NIBAN1: variants seen among roughly 807,000 people sequenced by gnomAD.
NIBAN1 encodes the protein niban apoptosis regulator 1, also known as protein Niban 1.
NIBAN1 carries 81 observed loss-of-function variants against 75.1 expected under a neutral mutation model. That is an observed-to-expected ratio of 1.08 (90% CI 0.90 to 1.30). The LOEUF is 1.30. NIBAN1 is among the 50% of genes most tolerant of loss of function. The probability of loss-of-function intolerance (pLI) is 0.00; values close to 1 mark genes in which losing one functional copy is unlikely to be tolerated. For missense variants in NIBAN1, 1,133 were observed against 1,128.1 expected (o/e 1.00, Z -0.06); for synonymous variants, 436 against 424.8 (o/e 1.03, Z -0.32).
intron 1 of NIBAN1, among the ~76,000 whole-genome samples, chr1:184,939,558 C>T (rs56737220): frequency 0.019 from 2,897 of 152,318 alleles, 84 homozygotes; most frequent in African/African-American, 0.065. Flanking sequence ...ATTCCGGACA[C>T]ATTTTAAATG....
chr1:184,952,925 C>T (rs1658394858), intron 1 of NIBAN1, among the ~76,000 whole-genome samples: 1 of 152,204 alleles, frequency 6.6e-6, no homozygotes, highest in African/African-American at 2.4e-5. Flanking sequence ...CTGAAGCATA[C>T]TGAAGTCTCA....
chr1:184,860,131 A>G (rs781258359), intron 5 of NIBAN1, among the ~76,000 whole-genome samples: 32 of 152,108 alleles, frequency 2.1e-4, no homozygotes, highest in Non-Finnish European at 4.0e-4. Context: ...CTATGGTGTG[A>G]GTGGGGTTGG....
chr1:184,802,034 C>A (rs16823513), intron 12 of NIBAN1, among the ~76,000 whole-genome samples: 12,967 of 152,160 alleles, frequency 0.085, 1,769 homozygotes, highest in African/African-American at 0.29. Flanking sequence ...ACAGCTTGGG[C>A]TGAGGCTGAG....
intron 1 of NIBAN1, among the ~76,000 whole-genome samples, chr1:184,960,709 G>A (rs1309024603): frequency 6.6e-6 from 1 of 151,878 alleles, no homozygotes; most frequent in Non-Finnish European, 1.5e-5. Flanking sequence ...GCTCACTGCA[G>A]CCTCCACACT....
intron 1 of NIBAN1, among the ~76,000 whole-genome samples, chr1:184,961,057 CTTTTTTTTTTTTT>C (rs1168955438): frequency 1.4e-4 from 8 of 57,810 alleles, no homozygotes; most frequent in Admixed American, 1.9e-4. Flanking sequence ...ATATGCCGTT[CTTTTTTTTTTTTT>C]TTTTTTTTTT....
intron 1 of NIBAN1, among the ~76,000 whole-genome samples, chr1:184,972,004 T>G (rs575708086): frequency 6.6e-6 from 1 of 152,336 alleles, no homozygotes; most frequent in South Asian, 2.1e-4. Context: ...ACACAAGGAA[T>G]GGCAGCTGTT....
chr1:184,866,624 G>A (rs1490804910), intron 5 of NIBAN1, among the ~76,000 whole-genome samples: 2 of 152,096 alleles, frequency 1.3e-5, no homozygotes, highest in Admixed American at 1.3e-4. Context: ...TAGATCATAA[G>A]TTTCTTAGAT....
At chr1:184,942,019 A>G (rs750196754) in intron 1 of NIBAN1, among the ~76,000 whole-genome samples, 36 of 152,218 alleles carry the variant, frequency 2.4e-4, no homozygotes, top group Non-Finnish European at 4.1e-4. Flanking sequence ...AATAACAGAA[A>G]CTACCTTAAG....
chr1:184,920,947 T>A (rs1229361756), intron 1 of NIBAN1, among the ~76,000 whole-genome samples: 2 of 152,048 alleles, frequency 1.3e-5, no homozygotes, highest in African/African-American at 4.8e-5. Flanking sequence ...CTGACCAGCA[T>A]GGTGAAACCC....
rs372524823 is a variant in NIBAN1 at position 184,963,781 on chromosome 1, T to A, written c.55+10521A>T. On this transcript the variant is annotated intron_variant, in intron 1 of 13. Transcript: ENST00000367511. ...AAAAGCATGTATTATGGAAGAGATG[T>A]GCCATACTAAGGTTTGAAAGACTCA... Among the ~76,000 whole-genome samples the A allele has an allele frequency of 6.0e-4, 92 of 152,334 alleles. No homozygotes were observed. In the South Asian group the frequency reaches 0.019, roughly 32 times the overall value.
chr1:184,818,619 C>T lies in NIBAN1; in HGVS notation c.1173+19G>A, dbSNP rs781287569. On this transcript the variant is annotated intron_variant, in intron 9 of 13. Coordinates refer to ENST00000367511, the MANE Select transcript of NIBAN1 (RefSeq NM_052966.4). ...CCAGGCAGACCATTCACACCCAGCT[C>T]CTCAGCTTTGTATCCTACCTCCTTT... is the stretch of plus-strand genomic sequence containing the variant. The T allele has an allele frequency of 3.2e-6, 5 of 1,560,610 alleles. No individual in the cohort carries two copies. In the African/African-American group the frequency reaches 5.4e-5, roughly 17 times the overall value.
chr1:184,799,988 G>A (rs1458768909), intron 12 of NIBAN1, among the ~76,000 whole-genome samples: 2 of 99,592 alleles, frequency 2.0e-5, no homozygotes, highest in Non-Finnish European at 3.8e-5. Flanking sequence ...CTCGTGATCC[G>A]CCCGCCTCGG....
intron 1 of NIBAN1, among the ~76,000 whole-genome samples, chr1:184,907,660 C>A (rs902478572): frequency 6.6e-6 from 1 of 152,178 alleles, no homozygotes; most frequent in African/African-American, 2.4e-5. Context: ...TCTAATTACA[C>A]AGAATAATGC....
rs150902476 is a variant in NIBAN1 at position 184,961,545 on chromosome 1, A to C, written c.55+12757T>G. Among the ~76,000 whole-genome samples the C allele has an allele frequency of 3.2e-3, 481 of 152,258 alleles. 3 individuals carry two copies. The highest frequency in any genetic ancestry group is 0.011 in the African/African-American group (442 of 41,540). On this transcript the variant is annotated intron_variant, in intron 1 of 13. Transcript: ENST00000367511. ...TTCGTGACACTTATCAAAATCTGTA[A>C]TGTTGGTTACCTACTTAATAGCCAT...
intron 1 of NIBAN1, among the ~76,000 whole-genome samples, chr1:184,917,368 A>T (rs1571572113): frequency 1.1e-5 from 1 of 89,116 alleles, no homozygotes; most frequent in Non-Finnish European, 2.1e-5. Context: ...CGCCCGGCTA[A>T]TTTTTTTTTT....
chr1:184,966,652 T>C (rs1658791840), intron 1 of NIBAN1, among the ~76,000 whole-genome samples: 1 of 152,246 alleles, frequency 6.6e-6, no homozygotes, highest in Non-Finnish European at 1.5e-5. Context: ...AGTGAAGCTC[T>C]TTCTATGTCT....
chr1:184,871,517 C>T (rs185902327), intron 5 of NIBAN1, among the ~76,000 whole-genome samples: 192 of 152,136 alleles, frequency 1.3e-3, no homozygotes, highest in African/African-American at 4.4e-3. Flanking sequence ...ACCAACCCTG[C>T]CATCATCTGG....
chr1:184,833,493 A>G (rs1655052125), intron 5 of NIBAN1, among the ~76,000 whole-genome samples: 1 of 152,006 alleles, frequency 6.6e-6, no homozygotes, highest in African/African-American at 2.4e-5. Context: ...GGATCACTTG[A>G]TGATAGGAGT....
chr1:184,820,481 G>A (rs1408382921), intron 8 of NIBAN1, among the ~76,000 whole-genome samples: 3 of 151,980 alleles, frequency 2.0e-5, no homozygotes, highest in African/African-American at 7.3e-5. Context: ...TCTCTTCAAG[G>A]CCCAGTTCAA....
Sources: allele counts gnomAD v4.1 joint callset (sites outside exome capture counted in the v4.1 genomes callset), GRCh38; gene constraint gnomAD v4.1.1; transcripts MANE v1.5; gene names NCBI Gene and HGNC (gene_info 2026-07-23, HGNC 2026-07-21).